The following NPM1 variants were observed in gnomAD, a reference collection of about 807,000 sequenced individuals.
The protein encoded by NPM1 is nucleophosmin.
Under a neutral mutation model 44.1 loss-of-function variants are expected in NPM1, and 1 was observed. The ratio of observed to expected loss-of-function variants is 0.02; its 90% CI spans 0.01 to 0.11. The LOEUF (loss-of-function observed/expected upper bound fraction) is 0.11, where lower values mean the gene tolerates loss of function less well. NPM1 is among the 10% of genes least tolerant of loss of function. The pLI is 1.00. For synonymous variants in NPM1, 126 were observed against 111.8 expected (o/e 1.13, Z -0.80); for missense variants, 197 against 347.8 (o/e 0.57, Z 3.45).
chr5:171,401,235 G>A (rs1056579231), intron 8 of NPM1, among the ~76,000 whole-genome samples: 9 of 152,038 alleles, frequency 5.9e-5, no homozygotes, highest in African/African-American at 1.7e-4. Context: ...GTATGTGCCT[G>A]TAATTCCACC....
chr5:171,391,284 GTAT>G lies in NPM1; in HGVS notation c.139-19_139-17del. 1.9e-6 allele frequency: 3 copies of G among 1,604,558 alleles called. No individual in the cohort carries two copies. Among genetic ancestry groups the G allele is most frequent in the Non-Finnish European group, 2.6e-6 (3 of 1,175,694 alleles). On this transcript the variant is annotated intron_variant, in intron 2 of 10. Transcript: ENST00000296930. ...TAGGTGGAACTCAAAAGTTGAAGTA[GTAT>G]TTTTTTTTTGTTCACAGGTCAGTTT...
chr5:171,388,504 C>G (rs941687120), intron 1 of NPM1, among the ~76,000 whole-genome samples: 1 of 150,020 alleles, frequency 6.7e-6, no homozygotes. Context: ...AGACTTACCT[C>G]GCGTGCTTCG....
intron 6 of NPM1, 110 bp downstream of exon 6, chr5:171,393,088 C>G: frequency 7.3e-7 from 1 of 1,377,210 alleles, no homozygotes; most frequent in Non-Finnish European, 9.8e-7. Flanking sequence ...AAAAAGCCAT[C>G]CTATGTAATA....
intron 9 of NPM1, chr5:171,406,335 C>T (rs1771565017): frequency 7.0e-7 from 1 of 1,437,444 alleles, no homozygotes; most frequent in Non-Finnish European, 9.8e-7. Context: ...GCTAAAATGA[C>T]ATCTTTTAGA....
chr5:171,410,459 CATTTA>C (rs1330762831), intron 10 of NPM1, 63 bp from the exon 11 acceptor site: 11 of 945,758 alleles, frequency 1.2e-5, no homozygotes, highest in Non-Finnish European at 1.8e-5. Context: ...TGCAAAGAGA[CATTTA>C]ATTTATTGAT....
chr5:171,391,479 G>T, intron 3 of NPM1, 55 bp downstream of exon 3: 1 of 1,594,068 alleles, frequency 6.3e-7, no homozygotes, highest in Non-Finnish European at 8.5e-7. Context: ...CTGTTTTAAG[G>T]TAGGTTTGGT....
At chr5:171,407,241 ATTG>A (rs1039399116) in intron 9 of NPM1, 13 of 161,574 alleles carry the variant, frequency 8.0e-5, no homozygotes, top group East Asian at 1.9e-4. Flanking sequence ...TGACCAGATC[ATTG>A]TTGTTCTGAA....
intron 8 of NPM1, among the ~76,000 whole-genome samples, chr5:171,403,745 C>T (rs1581255030): frequency 1.4e-5 from 2 of 142,614 alleles, no homozygotes; most frequent in Non-Finnish European, 3.1e-5. Flanking sequence ...GCTGACCCCC[C>T]CACCTCCCTC....
chr5:171,398,021 G>A (rs1771002071), intron 6 of NPM1, among the ~76,000 whole-genome samples: 1 of 151,922 alleles, frequency 6.6e-6, no homozygotes, highest in African/African-American at 2.4e-5. Flanking sequence ...TTGAACTCCT[G>A]AGGTCAGGCC....
chr5:171,391,141 TA>T, intron 2 of NPM1, 163 bp from the exon 3 acceptor site: 1 of 767,492 alleles, frequency 1.3e-6, no homozygotes, highest in Non-Finnish European at 2.1e-6. Flanking sequence ...TAGGTTTGTA[TA>T]AGCACATTCT....
At chr5:171,400,317 T>A in intron 7 of NPM1, 107 bp downstream of exon 7, 2 of 1,333,864 alleles carry the variant, frequency 1.5e-6, no homozygotes, top group Non-Finnish European at 2.1e-6. Flanking sequence ...TGGGAGATCA[T>A]CTCATACTGA....
At chr5:171,407,638 C>G in intron 9 of NPM1, 62 bp from the exon 10 acceptor site, 1 of 942,530 alleles carries the variant, frequency 1.1e-6, no homozygotes, top group South Asian at 1.3e-5. Flanking sequence ...GAGGAATTTT[C>G]TAAAGGTATC....
chr5:171,395,097 T>G (rs922212685), intron 6 of NPM1, among the ~76,000 whole-genome samples: 2 of 152,144 alleles, frequency 1.3e-5, no homozygotes, highest in African/African-American at 4.8e-5. Flanking sequence ...GGAGAATTGC[T>G]TGAACCTGGG....
intron 10 of NPM1, among the ~76,000 whole-genome samples, chr5:171,409,692 A>G (rs972613703): frequency 6.6e-6 from 1 of 152,178 alleles, no homozygotes; most frequent in Non-Finnish European, 1.5e-5. Flanking sequence ...ACTTTTCTTC[A>G]GAACCACCTT....
At position 171,400,878 on chromosome 5, in the gene NPM1, A is replaced by G. The variant is rs1771161831; in HGVS notation, c.622A>G (p.Asn208Asp). 6.2e-7 allele frequency: 1 copy of G among 1,612,474 alleles called. No homozygotes were observed. The highest frequency in any genetic ancestry group is 1.3e-5 in the African/African-American group (1 of 74,476). ...DTPAKNAQKS[N>D]QNGKDSKPSS... ...TCCAGCCAAAAATGCACAAAAGTCAAATCAGAATGGAAAAGACTCAAAACC... is the reference window on the plus strand; with the variant it reads ...TCCAGCCAAAAATGCACAAAAGTCAGATCAGAATGGAAAAGACTCAAAACC... Residue 208 changes from asparagine to aspartate, a missense_variant, in exon 8 of 11, where the codon AAT (asparagine) becomes GAT (aspartate). By Grantham distance (23) the Asn-to-Asp change is conservative. Around this residue, in one of 5 missense-constraint regions of NPM1, gnomAD observed 47 missense variants for 106.5 expected, o/e 0.44. Transcript: ENST00000296930.
intron 6 of NPM1, among the ~76,000 whole-genome samples, chr5:171,396,735 C>G (rs1770908462): frequency 1.3e-5 from 2 of 152,150 alleles, no homozygotes; most frequent in African/African-American, 4.8e-5. Context: ...AATCCCAGCA[C>G]TTTGGGTGGT....
At chr5:171,389,542 T>C (rs1364519081) in intron 1 of NPM1, among the ~76,000 whole-genome samples, 1 of 152,222 alleles carries the variant, frequency 6.6e-6, no homozygotes, top group Non-Finnish European at 1.5e-5. Flanking sequence ...TTGAGGCGTA[T>C]GTCACTTTCT....
chr5:171,403,650 C>T (rs200475368), intron 8 of NPM1, among the ~76,000 whole-genome samples: 1 of 136,116 alleles, frequency 7.3e-6, no homozygotes, highest in African/African-American at 2.7e-5. Context: ...ACCCCCCCCA[C>T]CTCCCTCCCG....
chr5:171,388,137 T>A, intron 1 of NPM1, 131 bp downstream of exon 1: 1 of 809,240 alleles, frequency 1.2e-6, no homozygotes, highest in Non-Finnish European at 2.0e-6. Context: ...CCTGAGCGGG[T>A]GGGAAGAGCT....
Sources: gnomAD v4.1 joint callset for allele counts (sites outside exome capture counted in the v4.1 genomes callset) on GRCh38, gnomAD v4.1.1 for gene constraint, gnomAD v4.1.1 regional missense constraint, MANE v1.5 for transcripts, NCBI Gene and HGNC (gene_info 2026-07-23, HGNC 2026-07-21) for gene names.